Variants in FAM135B observed in about 807,000 individuals in gnomAD.
The protein encoded by FAM135B is family with sequence similarity 135 member B.
FAM135B carries 43 observed loss-of-function variants against 127.7 expected under a neutral mutation model. The ratio of observed to expected loss-of-function variants is 0.34; its 90% CI spans 0.26 to 0.43. The LOEUF (loss-of-function observed/expected upper bound fraction) is 0.43, where lower values mean the gene tolerates loss of function less well. FAM135B is among the 20% of genes least tolerant of loss of function. FAM135B has a pLI of 1.00. For missense variants in FAM135B, 1,558 were observed against 1,725.6 expected, an observed-to-expected ratio of 0.90 and a Z score of 1.72; for synonymous variants, 670 against 665.1, an observed-to-expected ratio of 1.01 and a Z score of -0.11.
chr8:138,325,516 C>T (rs1389292813), intron 2 of FAM135B, among the ~76,000 whole-genome samples: 1 of 152,074 alleles, frequency 6.6e-6, no homozygotes, highest in Non-Finnish European at 1.5e-5. Flanking sequence ...GGAAAGATTT[C>T]AAGAAAATTA....
chr8:138,355,008 C>T (rs1022477096), intron 2 of FAM135B, among the ~76,000 whole-genome samples: 1 of 152,086 alleles, frequency 6.6e-6, no homozygotes, highest in African/African-American at 2.4e-5. Context: ...TATCCCTCCC[C>T]CTTCCTCCCA....
chr8:138,151,147 A>T (rs1818104968), intron 13 of FAM135B, 47 bp downstream of exon 13: 1 of 1,416,264 alleles, frequency 7.1e-7, no homozygotes. Flanking sequence ...TATGTGGAAA[A>T]ATCTAAAAGA....
At chr8:138,282,498 C>G (rs187891861) in intron 3 of FAM135B, among the ~76,000 whole-genome samples, 18 of 152,186 alleles carry the variant, frequency 1.2e-4, no homozygotes, top group African/African-American at 4.1e-4. Context: ...AAACAAACAA[C>G]CCAATTAAAA....
At chr8:138,409,411 T>C (rs1336181458) in intron 1 of FAM135B, among the ~76,000 whole-genome samples, 2 of 151,720 alleles carry the variant, frequency 1.3e-5, no homozygotes, top group African/African-American at 4.8e-5. Context: ...GCAGCAGACA[T>C]AAAAATAATG....
chr8:138,166,637 C>CA (rs1293249871), intron 12 of FAM135B, among the ~76,000 whole-genome samples: 1 of 152,140 alleles, frequency 6.6e-6, no homozygotes, highest in Non-Finnish European at 1.5e-5. Flanking sequence ...TTCTGATCCC[C>CA]AAAACATCAT....
chr8:138,343,094 C>T (rs189530687), intron 2 of FAM135B, among the ~76,000 whole-genome samples: 25 of 152,288 alleles, frequency 1.6e-4, no homozygotes, highest in South Asian at 6.2e-4. Flanking sequence ...TGTCCCATGA[C>T]GAATAGTTGA....
At chr8:138,433,071 G>C (rs1394645596) in intron 1 of FAM135B, among the ~76,000 whole-genome samples, 1 of 152,042 alleles carries the variant, frequency 6.6e-6, no homozygotes, top group Non-Finnish European at 1.5e-5. Context: ...AAAGGGTAGA[G>C]GACACATGTG....
intron 6 of FAM135B, among the ~76,000 whole-genome samples, chr8:138,248,313 G>A (rs17720022): frequency 0.049 from 7,428 of 152,240 alleles, 248 homozygotes; most frequent in Non-Finnish European, 0.075. Flanking sequence ...CAGAATTACA[G>A]TTTGGTCTAT....
At chr8:138,316,288 C>T (rs992141406) in intron 2 of FAM135B, among the ~76,000 whole-genome samples, 5 of 151,956 alleles carry the variant, frequency 3.3e-5, no homozygotes, top group Admixed American at 2.6e-4. Context: ...GGGCGGATCA[C>T]GAGGTCAGGA....
chr8:138,187,308 C>T (rs1815670161), intron 9 of FAM135B, among the ~76,000 whole-genome samples: 1 of 152,216 alleles, frequency 6.6e-6, no homozygotes, highest in Non-Finnish European at 1.5e-5. Flanking sequence ...TGCAGAGAAC[C>T]TCTAATAATG....
At chr8:138,253,360 G>A (rs1391016524) in intron 5 of FAM135B, among the ~76,000 whole-genome samples, 1 of 152,112 alleles carries the variant, frequency 6.6e-6, no homozygotes, top group East Asian at 1.9e-4. Flanking sequence ...GATAAAGCAG[G>A]GTTTCCTCAC....
chr8:138,176,489 A>G (rs1016468654), intron 11 of FAM135B, among the ~76,000 whole-genome samples: 5 of 152,220 alleles, frequency 3.3e-5, no homozygotes, highest in African/African-American at 1.2e-4. Flanking sequence ...TAGACTTGTC[A>G]TTTCAACACG....
In FAM135B at chr8:138,243,124, A is replaced by G; in HGVS notation, c.543-56T>C. Reference sequence around the variant, plus strand: ...AGGAGGTAAAGAAAGTGATGGTGCCATTAACTCAGCCCCTTTGAGGAGTGT... The same window carrying G: ...AGGAGGTAAAGAAAGTGATGGTGCCGTTAACTCAGCCCCTTTGAGGAGTGT... On this transcript the variant is annotated intron_variant, in intron 6 of 19. Transcript: ENST00000395297. This position sits in a 1 kb window ranked among gnomAD's most constrained non-coding sequence, Gnocchi z 7.5. 6.4e-7 allele frequency: 1 copy of G among 1,564,934 alleles called. No individual in the cohort carries two copies. Among genetic ancestry groups the G allele is most frequent in the South Asian group, 1.2e-5 (1 of 81,580 alleles).
intron 5 of FAM135B, among the ~76,000 whole-genome samples, chr8:138,252,185 A>G: frequency 6.6e-6 from 1 of 152,334 alleles, no homozygotes; most frequent in East Asian, 1.9e-4. Flanking sequence ...TTTTTAATTC[A>G]GGCTACAATT....
At chr8:138,367,352 T>G (rs914134772) in intron 2 of FAM135B, 1 of 455,814 alleles carries the variant, frequency 2.2e-6, no homozygotes, top group Admixed American at 2.4e-5. Flanking sequence ...TGGAGGTAAG[T>G]CTATCATGAG....
intron 7 of FAM135B, among the ~76,000 whole-genome samples, chr8:138,231,283 A>G (rs1007932482): frequency 7.2e-5 from 11 of 152,116 alleles, no homozygotes; most frequent in Non-Finnish European, 1.5e-4. Context: ...AACCTCCCAA[A>G]GTGCTGGGAT....
chr8:138,222,745 G>A (rs1819132669), intron 7 of FAM135B, among the ~76,000 whole-genome samples: 1 of 130,374 alleles, frequency 7.7e-6, no homozygotes, highest in African/African-American at 2.8e-5. Flanking sequence ...AAAACAAAAT[G>A]AATTTTTAAA....
chr8:138,279,320 A>AAAGTACAC (rs1245459747), intron 3 of FAM135B, among the ~76,000 whole-genome samples: 1 of 152,212 alleles, frequency 6.6e-6, no homozygotes, highest in Admixed American at 6.5e-5. Flanking sequence ...CCAAGACGGA[A>AAAGTACAC]AAGTACACAA....
chr8:138,215,225 C>T (rs999966776), intron 7 of FAM135B, among the ~76,000 whole-genome samples: 6 of 152,150 alleles, frequency 3.9e-5, no homozygotes, highest in African/African-American at 1.4e-4. Context: ...TCTCTCTATG[C>T]CTAAGTTACC....
Sources: allele counts gnomAD v4.1 joint callset (sites outside exome capture counted in the v4.1 genomes callset), GRCh38; gene constraint gnomAD v4.1.1; non-coding constraint Gnocchi (gnomAD v3.1); transcripts MANE v1.5; gene names NCBI Gene and HGNC (gene_info 2026-07-23, HGNC 2026-07-21).